BYSL: variants seen among roughly 807,000 people sequenced by gnomAD.
BYSL encodes the protein bystin.
In BYSL, 21 loss-of-function variants were observed where a neutral mutation model predicts 45.4. The observed-to-expected ratio is 0.46, with a 90% CI of 0.33 to 0.67. The LOEUF is 0.67. Ranked by LOEUF, BYSL falls within the 30% of genes least tolerant of loss-of-function variation. BYSL has a pLI of 0.02. For missense variants in BYSL, 522 were observed against 578.5 expected, an observed-to-expected ratio of 0.90 and a Z score of 1.00; for synonymous variants, 215 against 231.3, an observed-to-expected ratio of 0.93 and a Z score of 0.64.
upstream of BYSL, among the ~76,000 whole-genome samples, chr6:41,919,658 G>A (rs1344560509): frequency 1.3e-5 from 2 of 152,144 alleles, no homozygotes; most frequent in African/African-American, 2.4e-5. Flanking sequence ...GGCTGGGCAC[G>A]GTGGCTCATG....
chr6:41,925,920 A>G (rs1775558046), intron 1 of BYSL, among the ~76,000 whole-genome samples: 1 of 146,518 alleles, frequency 6.8e-6, no homozygotes, highest in South Asian at 2.2e-4. Flanking sequence ...TCCCAATCTC[A>G]TGATCCACCC....
chr6:41,921,858 A>G (rs1361529200), intron 1 of BYSL, 28 bp downstream of exon 1: 2 of 1,599,668 alleles, frequency 1.3e-6, no homozygotes, highest in East Asian at 2.2e-5. Flanking sequence ...GGTCCGAGGA[A>G]GACAGTGGCC....
intron 1 of BYSL, among the ~76,000 whole-genome samples, chr6:41,926,500 G>T (rs1257353140): frequency 1.3e-5 from 2 of 151,596 alleles, no homozygotes; most frequent in African/African-American, 2.4e-5. Context: ...CACCAGGCTG[G>T]AGTGCAGTGG....
chr6:41,921,951 C>T (rs1775488036), intron 1 of BYSL, 121 bp downstream of exon 1: 2 of 1,364,630 alleles, frequency 1.5e-6, no homozygotes, highest in Non-Finnish European at 1.9e-6. Flanking sequence ...ATTACACTTG[C>T]AAAGGAGACT....
chr6:41,931,178 A>G (rs1250437141), intron 4 of BYSL, among the ~76,000 whole-genome samples: 3 of 90,522 alleles, frequency 3.3e-5, no homozygotes, highest in Non-Finnish European at 7.1e-5. Flanking sequence ...CCCACAGACA[A>G]ACGGTGCTCC....
chr6:41,932,750 C>T lies in BYSL; in HGVS notation c.*44C>T. 2 of 1,551,078 alleles carry T rather than the reference C, an allele frequency of 1.3e-6. No individual in the cohort carries two copies. The highest frequency in any genetic ancestry group is 2.3e-5 in the East Asian group (1 of 44,258). On this transcript the variant is annotated 3_prime_UTR_variant, in exon 7 of 7. Coordinates refer to ENST00000230340, the MANE Select transcript of BYSL (RefSeq NM_004053.4). The surrounding 1 kb of genome is among the most constrained non-coding windows in gnomAD (Gnocchi z 4.7). ...CTGGCCAAAGGGGTTTGGAAGGACACCAAGACCCCCGTTGGTGACTGAAGA... is the reference window on the plus strand; with the variant it reads ...CTGGCCAAAGGGGTTTGGAAGGACATCAAGACCCCCGTTGGTGACTGAAGA...
rs192908037 is a variant in BYSL at position 41,931,619 on chromosome 6, C to T, written c.865+63C>T. ...GAGCTTCTATGGGGAACACAGCAGG[C>T]CTGGTGTGGGAAATTGCTAGCTGTC... On this transcript the variant is annotated intron_variant, in intron 5 of 6. Coordinates refer to ENST00000230340, the MANE Select transcript of BYSL (RefSeq NM_004053.4). 3.3e-4 allele frequency: 524 copies of T among 1,611,804 alleles called. 7 individuals are homozygous for T. The East Asian group carries it at 0.011, about 35-fold the overall frequency.
Position 41,932,363 on chromosome 6 carries a change from C to T in BYSL, c.971C>T (p.Ala324Val), listed in dbSNP as rs764644125. Residue 324 changes from alanine to valine, a missense_variant and splice_region_variant, in exon 7 of 7, where the codon GCG becomes GTG. Physicochemically the swap from Ala to Val is moderately conservative, Grantham distance 64 (BLOSUM62 0). Coordinates refer to ENST00000230340, the MANE Select transcript of BYSL (RefSeq NM_004053.4). The surrounding 1 kb of genome is among the most constrained non-coding windows in gnomAD (Gnocchi z 4.7). ...KCSIPVLHSS[A>V]AMLKIAEMEY... The stretch of plus-strand genomic sequence containing the variant: ...ACCCCACCTCCCTTTCCCACTAGTG[C>T]GGCCATGCTGAAAATTGCTGAGATG... The T allele has an allele frequency of 5.6e-6, 9 of 1,607,508 alleles. No homozygotes were observed. The highest frequency in any genetic ancestry group is 1.7e-5 in the Admixed American group (1 of 60,002).
chr6:41,919,731 A>T (rs571255256), upstream of BYSL, among the ~76,000 whole-genome samples: 1 of 152,276 alleles, frequency 6.6e-6, no homozygotes, highest in Admixed American at 6.5e-5. Context: ...GGAATTCAAG[A>T]CCTGCATGTA....
chr6:41,927,366 T>C lies in BYSL; in HGVS notation c.269-8T>C. 6.2e-7 allele frequency: 1 copy of C among 1,613,714 alleles called. No homozygotes were observed. Among genetic ancestry groups the C allele is most frequent in the Non-Finnish European group, 8.5e-7 (1 of 1,179,758 alleles). ...CTGTGCTCATCCATTTAGTCTCCCC[T>C]CTTCTAGGTCCAAGAATGCCTCAGG... On this transcript the variant is annotated splice_polypyrimidine_tract_variant and splice_region_variant and intron_variant, in intron 1 of 6. Transcript: ENST00000230340.
At position 41,932,925 on chromosome 6, in the gene BYSL, GC is replaced by G. The variant is rs145994218; in HGVS notation, c.*221del. On this transcript the variant is annotated 3_prime_UTR_variant, in exon 7 of 7. Coordinates refer to ENST00000230340, the MANE Select transcript of BYSL (RefSeq NM_004053.4). The surrounding 1 kb of genome is among the most constrained non-coding windows in gnomAD (Gnocchi z 4.7). ...CCCTTATCCCTGTTTAGTTCTGAGA[GC>G]CAACTTGAGATACCATATGCTAGCA... 3,197 of 558,736 alleles carry G rather than the reference GC, an allele frequency of 5.7e-3. 90 individuals are homozygous for G. The highest frequency in any genetic ancestry group is 0.053 in the African/African-American group (2,851 of 53,356). 34.6% of individuals were successfully genotyped at this position (558,736 alleles called of 1,614,324 possible). A position where few individuals can be genotyped will look rare whatever the true frequency, so the allele number is the denominator to read the frequency against.
intron 2 of BYSL, 140 bp downstream of exon 2, chr6:41,927,676 GC>G: frequency 1.9e-6 from 2 of 1,038,384 alleles, no homozygotes; most frequent in African/African-American, 1.6e-5. Context: ...GACAAAACTG[GC>G]CCATCCTCAA....
chr6:41,924,722 GATCAA>G (rs1325579839), intron 1 of BYSL, among the ~76,000 whole-genome samples: 8 of 152,172 alleles, frequency 5.3e-5, no homozygotes, highest in African/African-American at 1.7e-4. Context: ...GGACAGGGCT[GATCAA>G]ATCAAATATG....
At position 41,932,793 on chromosome 6, in the gene BYSL, G is replaced by A; in HGVS notation, c.*87G>A. ...ACTGAAGATGACACTGAGCTTTAATGGCTGAAGACCCAGATCAGGGCAGTG... is the reference window on the plus strand; with the variant it reads ...ACTGAAGATGACACTGAGCTTTAATAGCTGAAGACCCAGATCAGGGCAGTG... On this transcript the variant is annotated 3_prime_UTR_variant, in exon 7 of 7. Transcript: ENST00000230340. The surrounding 1 kb of genome is among the most constrained non-coding windows in gnomAD (Gnocchi z 4.7). The A allele has an allele frequency of 2.2e-6, 3 of 1,360,370 alleles. No individual in the cohort carries two copies. The allele number at this position is 1,360,370 out of a possible 1,614,324, so 84.3% of individuals were successfully genotyped here. A position where few individuals can be genotyped will look rare whatever the true frequency, so the allele number is the denominator to read the frequency against.
upstream of BYSL, chr6:41,917,077 C>T: frequency 3.5e-6 from 3 of 862,062 alleles, no homozygotes; most frequent in Non-Finnish European, 5.0e-6. Context: ...GTCTCCCAAT[C>T]CCTGCAACTT....
At chr6:41,928,017 T>G (rs1200897877) in intron 2 of BYSL, among the ~76,000 whole-genome samples, 1 of 152,166 alleles carries the variant, frequency 6.6e-6, no homozygotes, top group Admixed American at 6.5e-5. Flanking sequence ...TGATCTCTAC[T>G]TCTAGACTCC....
At chr6:41,917,034 C>A, upstream of BYSL, 2 of 1,303,034 alleles carry the variant, frequency 1.5e-6, no homozygotes, top group Non-Finnish European at 2.2e-6. Flanking sequence ...TCATCAGGGC[C>A]AAAAGTTATC....
upstream of BYSL, chr6:41,917,566 G>C (rs1011108514): frequency 5.9e-6 from 2 of 339,032 alleles, no homozygotes; most frequent in Non-Finnish European, 1.2e-5. Flanking sequence ...CACAGTCCCT[G>C]AGAGCCCCTC....
chr6:41,919,648 G>C (rs1448739222), upstream of BYSL, among the ~76,000 whole-genome samples: 2 of 152,168 alleles, frequency 1.3e-5, no homozygotes, highest in Non-Finnish European at 2.9e-5. Context: ...GAGCAGGGGT[G>C]GCTGGGCACG....
Sources: allele counts gnomAD v4.1 joint callset (sites outside exome capture counted in the v4.1 genomes callset), GRCh38; gene constraint gnomAD v4.1.1; non-coding constraint Gnocchi (gnomAD v3.1); transcripts MANE v1.5; gene names NCBI Gene and HGNC (gene_info 2026-07-23, HGNC 2026-07-21).